SEC31A: variants seen among roughly 807,000 people sequenced by gnomAD.
SEC31A encodes SEC31 homolog A, COPII component.
A neutral mutation model predicts 151.0 loss-of-function variants in SEC31A; 70 were observed. That is an observed-to-expected ratio of 0.46 (90% CI 0.38 to 0.57). The LOEUF is 0.57. SEC31A is among the 20% of genes least tolerant of loss of function. SEC31A has a pLI of 0.00. For missense variants in SEC31A, 1,330 were observed against 1,471.2 expected, an observed-to-expected ratio of 0.90 and a Z score of 1.57; for synonymous variants, 475 against 505.9, an observed-to-expected ratio of 0.94 and a Z score of 0.82.
At chr4:82,878,271 G>A (rs1263937699) in intron 4 of SEC31A, among the ~76,000 whole-genome samples, 2 of 151,876 alleles carry the variant, frequency 1.3e-5, no homozygotes, top group African/African-American at 2.4e-5. Flanking sequence ...CGAGGCGGGC[G>A]GATCACAAGG....
intron 22 of SEC31A, among the ~76,000 whole-genome samples, chr4:82,839,782 T>C (rs1254719147): frequency 6.6e-6 from 1 of 152,198 alleles, no homozygotes; most frequent in Non-Finnish European, 1.5e-5. Flanking sequence ...CACTGAAAAG[T>C]GTTGTCTGGC....
At chr4:82,871,666 T>C (rs1293822928) in intron 7 of SEC31A, 8 of 525,404 alleles carry the variant, frequency 1.5e-5, no homozygotes, top group Admixed American at 3.5e-5. Flanking sequence ...ATCCCAGCTA[T>C]AAAATTTTTA....
chr4:82,839,017 G>A (rs553559810), intron 22 of SEC31A, among the ~76,000 whole-genome samples: 1 of 152,172 alleles, frequency 6.6e-6, no homozygotes, highest in African/African-American at 2.4e-5. Flanking sequence ...TTGGTCTTTC[G>A]CCCAGGCTGG....
rs1173196705 is a variant in SEC31A at position 82,819,243 on chromosome 4, G to T, written c.3494C>A (p.Thr1165Lys). 1 of 1,570,788 alleles carries T rather than the reference G, an allele frequency of 6.4e-7. No individual in the cohort carries two copies. The highest frequency in any genetic ancestry group is 8.6e-7 in the Non-Finnish European group (1 of 1,160,106). The change falls in exon 27 of 27, where the codon ACA (threonine) becomes AAA (lysine). Residue 1165 changes from threonine to lysine, a missense_variant. Physicochemically the swap from Thr to Lys is moderately conservative, Grantham distance 78. Transcript: ENST00000395310. ...DKLREQTLSPTITSGLHNIAR... is the reference protein window; with the variant it reads ...DKLREQTLSPKITSGLHNIAR... The stretch of plus-strand genomic sequence containing the variant: ...AATGTTGTGTAAACCACTGGTGATT[G>T]TTGGTGAAAGCTGAAACAAAAGTGA...
Position 82,863,400 on chromosome 4 carries a change from A to G in SEC31A, c.1435-8T>C. On this transcript the variant is annotated splice_polypyrimidine_tract_variant and splice_region_variant and intron_variant, in intron 11 of 26. Coordinates refer to ENST00000395310, the MANE Select transcript of SEC31A (RefSeq NM_001077207.4). ...ATCATCCTCAAAGTTTACCTTTAAA[A>G]AAAAAGACATATTCTTAAAACAAAG... 1.3e-6 allele frequency: 2 copies of G among 1,531,602 alleles called. No individual in the cohort carries two copies. Among genetic ancestry groups the G allele is most frequent in the Non-Finnish European group, 1.8e-6 (2 of 1,139,524 alleles). 94.9% of individuals were successfully genotyped at this position (1,531,602 alleles called of 1,614,324 possible).
chr4:82,830,564 C>G (rs1291142268), intron 22 of SEC31A, among the ~76,000 whole-genome samples: 2 of 152,158 alleles, frequency 1.3e-5, no homozygotes, highest in Admixed American at 6.6e-5. Flanking sequence ...CAAGAGTTAA[C>G]CACAAAATAT....
chr4:82,879,368 T>C (rs1738730948), intron 3 of SEC31A, among the ~76,000 whole-genome samples: 2 of 57,644 alleles, frequency 3.5e-5, no homozygotes, highest in South Asian at 1.8e-3. Flanking sequence ...TTGACCTTTG[T>C]CTGAAAAAAA....
At position 82,856,983 on chromosome 4, in the gene SEC31A, T is replaced by C; in HGVS notation, c.1850A>G (p.Tyr617Cys). 3 of 1,609,916 alleles carry C rather than the reference T, an allele frequency of 1.9e-6. No individual in the cohort carries two copies. Among genetic ancestry groups the C allele is most frequent in the South Asian group, 1.1e-5 (1 of 90,164 alleles). The change falls in exon 16 of 27, where the codon TAC becomes TGC. Residue 617 changes from tyrosine to cysteine, a missense_variant. Tyr to Cys is a radical substitution (Grantham distance 194, BLOSUM62 -2). Coordinates refer to ENST00000395310, the MANE Select transcript of SEC31A (RefSeq NM_001077207.4). ...AATTTTGCTTTGGGATTTTGCGAAG[T>C]ATTTTTTCTGGGTTCGAGCCAAGAG... ...QELLARTQKKYFAKSQSKITR... is the reference protein window; with the variant it reads ...QELLARTQKKCFAKSQSKITR...
intron 21 of SEC31A, chr4:82,843,805 A>G (rs1484242268): frequency 1.3e-5 from 2 of 152,210 alleles, no homozygotes; most frequent in Non-Finnish European, 2.9e-5. Context: ...AATGTACAAC[A>G]CTGAGAGTGT....
chr4:82,892,922 C>CT (rs1312171599), upstream of SEC31A: 1 of 152,170 alleles, frequency 6.6e-6, no homozygotes, highest in Non-Finnish European at 1.5e-5. Context: ...AAGAAAAACT[C>CT]TTTAGTTCAC....
intron 22 of SEC31A, among the ~76,000 whole-genome samples, chr4:82,840,454 T>C (rs1425367196): frequency 6.6e-6 from 1 of 152,218 alleles, no homozygotes; most frequent in Non-Finnish European, 1.5e-5. Context: ...ACTATTGATG[T>C]ATCTGTAGTG....
chr4:82,881,550 T>G (rs772845502), intron 2 of SEC31A, among the ~76,000 whole-genome samples: 6 of 152,214 alleles, frequency 3.9e-5, no homozygotes, highest in Non-Finnish European at 7.3e-5. Context: ...AATGCTAACA[T>G]CAAAATTGCT....
intron 4 of SEC31A, among the ~76,000 whole-genome samples, chr4:82,878,439 A>G (rs13101968): frequency 0.19 from 28,694 of 152,128 alleles, 2,914 homozygotes; most frequent in South Asian, 0.34. Flanking sequence ...GGTTGCAGTG[A>G]GCCAAGATCA....
chr4:82,865,871 T>C (rs1168843470), intron 10 of SEC31A, among the ~76,000 whole-genome samples: 8 of 152,046 alleles, frequency 5.3e-5, no homozygotes, highest in East Asian at 1.9e-4. Flanking sequence ...CAACAACGTG[T>C]ATATAGTTAA....
intron 4 of SEC31A, among the ~76,000 whole-genome samples, chr4:82,878,254 G>A (rs1578362386): frequency 6.6e-6 from 1 of 152,000 alleles, no homozygotes; most frequent in Non-Finnish European, 1.5e-5. Flanking sequence ...CCAGCACTTT[G>A]GGAGGCCGAG....
At chr4:82,891,269 C>T (rs944806371), upstream of SEC31A, 19 of 1,223,528 alleles carry the variant, frequency 1.6e-5, no homozygotes, top group Admixed American at 3.0e-4. Flanking sequence ...TTTCCCCGCC[C>T]ACCCGACGCA....
At chr4:82,824,141 GA>G (rs1221503239) in intron 25 of SEC31A, among the ~76,000 whole-genome samples, 1 of 152,152 alleles carries the variant, frequency 6.6e-6, no homozygotes, top group African/African-American at 2.4e-5. Flanking sequence ...CAAATTTTTA[GA>G]AATATACCTT....
At chr4:82,860,691 T>C (rs1044825677) in intron 14 of SEC31A, among the ~76,000 whole-genome samples, 5 of 152,004 alleles carry the variant, frequency 3.3e-5, no homozygotes, top group Non-Finnish European at 5.9e-5. Flanking sequence ...TCCAGGCTAG[T>C]CTTGAACTCA....
At position 82,842,735 on chromosome 4, in the gene SEC31A, C is replaced by G; in HGVS notation, c.2627-254G>C. On this transcript the variant is annotated intron_variant, in intron 21 of 26. Transcript: ENST00000395310. ...TATGAAAATATTTGAATCATCAGAC[C>G]CAAGAACTGCAAGACTGACCCTTTT... 1.7e-5 allele frequency: 7 copies of G among 400,810 alleles called. No homozygotes were observed. In the South Asian group the frequency reaches 2.2e-4, roughly 13 times the overall value. 24.8% of individuals were successfully genotyped at this position (400,810 alleles called of 1,614,324 possible). A position where few individuals can be genotyped will look rare whatever the true frequency, so the allele number is the denominator to read the frequency against.
Sources: allele counts gnomAD v4.1 joint callset (sites outside exome capture counted in the v4.1 genomes callset), GRCh38; gene constraint gnomAD v4.1.1; transcripts MANE v1.5; gene names NCBI Gene and HGNC (gene_info 2026-07-23, HGNC 2026-07-21).